The following DCBLD2 variants were observed in gnomAD, a reference collection of about 807,000 sequenced individuals.
The protein encoded by DCBLD2 is discoidin, CUB and LCCL domain-containing protein 2.
In DCBLD2, 54 loss-of-function variants were observed where a neutral mutation model predicts 86.8. The observed-to-expected ratio is 0.62, with a 90% CI of 0.50 to 0.78. DCBLD2 has a LOEUF of 0.78. Among genes scored for constraint, DCBLD2 ranks in the 30% least tolerant of loss-of-function variants. DCBLD2 has a pLI of 0.00. For synonymous variants in DCBLD2, 354 were observed against 341.3 expected (o/e 1.04, Z -0.41); for missense variants, 908 against 954.2 (o/e 0.95, Z 0.64).
At chr3:98,861,787 T>G (rs896505957) in intron 2 of DCBLD2, among the ~76,000 whole-genome samples, 6 of 151,792 alleles carry the variant, frequency 4.0e-5, no homozygotes, top group African/African-American at 1.5e-4. Flanking sequence ...AGATCTAAAA[T>G]GGACACCCTA....
chr3:98,804,538 A>G (rs950061246), intron 13 of DCBLD2, among the ~76,000 whole-genome samples: 7 of 151,904 alleles, frequency 4.6e-5, no homozygotes, highest in Admixed American at 6.6e-5. Flanking sequence ...TTTTGTCTCT[A>G]TCTCCTTCAG....
At chr3:98,844,597 A>G (rs1337920055) in intron 3 of DCBLD2, among the ~76,000 whole-genome samples, 1 of 152,124 alleles carries the variant, frequency 6.6e-6, no homozygotes, top group African/African-American at 2.4e-5. Flanking sequence ...TACTGACCTC[A>G]GATGACCCAC....
At chr3:98,896,997 T>A (rs1235098903) in intron 1 of DCBLD2, among the ~76,000 whole-genome samples, 1 of 152,194 alleles carries the variant, frequency 6.6e-6, no homozygotes, top group Non-Finnish European at 1.5e-5. Context: ...CTAAGTGTAG[T>A]CCTAAATTTA....
intron 2 of DCBLD2, among the ~76,000 whole-genome samples, chr3:98,863,915 C>G (rs1943092592): frequency 6.6e-6 from 1 of 152,162 alleles, no homozygotes; most frequent in South Asian, 2.1e-4. Flanking sequence ...TCAGAGTGAA[C>G]AGGCAACCTA....
intron 1 of DCBLD2, among the ~76,000 whole-genome samples, chr3:98,893,915 T>C (rs1235266862): frequency 6.6e-6 from 1 of 152,148 alleles, no homozygotes; most frequent in African/African-American, 2.4e-5. Flanking sequence ...TAAGCAGTAA[T>C]CCCCACTTGG....
rs144881026 is a variant in DCBLD2 at position 98,897,422 on chromosome 3, T to G, written c.205+3700A>C. 1.8e-3 allele frequency among the ~76,000 whole-genome samples: 275 copies of G among 152,250 alleles called. 1 individual carries two copies. Among genetic ancestry groups the G allele is most frequent in the African/African-American group, 6.4e-3 (265 of 41,566 alleles). On this transcript the variant is annotated intron_variant, in intron 1 of 15. Coordinates refer to ENST00000326840, the MANE Select transcript of DCBLD2 (RefSeq NM_080927.4). ...TTATTTGCTTCTGAACAAAACTGGATAAGAGCCCCAATGTTTTATCAGACA... is the reference window on the plus strand; with the variant it reads ...TTATTTGCTTCTGAACAAAACTGGAGAAGAGCCCCAATGTTTTATCAGACA...
chr3:98,826,889 G>C (rs923774627), intron 3 of DCBLD2, among the ~76,000 whole-genome samples: 6 of 152,148 alleles, frequency 3.9e-5, no homozygotes, highest in Admixed American at 6.5e-5. Flanking sequence ...ATATACCCTT[G>C]ATGGAGATAG....
intron 9 of DCBLD2, among the ~76,000 whole-genome samples, chr3:98,817,262 G>C (rs1382423483): frequency 6.6e-6 from 1 of 152,146 alleles, no homozygotes; most frequent in African/African-American, 2.4e-5. Flanking sequence ...TTAGATGCTA[G>C]AGCAATTCTT....
At chr3:98,800,213 A>AT (rs1271763904) in intron 15 of DCBLD2, among the ~76,000 whole-genome samples, 1 of 152,144 alleles carries the variant, frequency 6.6e-6, no homozygotes, top group East Asian at 1.9e-4. Flanking sequence ...AATTTCAGAG[A>AT]TTTTTTTCAA....
chr3:98,882,102 TC>T (rs1943482546), intron 1 of DCBLD2, among the ~76,000 whole-genome samples: 1 of 152,212 alleles, frequency 6.6e-6, no homozygotes, highest in African/African-American at 2.4e-5. Context: ...TAACTTTGTA[TC>T]CTTTAACAAA....
intron 2 of DCBLD2, among the ~76,000 whole-genome samples, chr3:98,862,363 T>A (rs974584793): frequency 2.6e-5 from 4 of 152,146 alleles, no homozygotes; most frequent in Non-Finnish European, 5.9e-5. Flanking sequence ...TCCCTAACTC[T>A]TTTTATGAGG....
chr3:98,871,492 G>T (rs1022919539), intron 2 of DCBLD2, among the ~76,000 whole-genome samples: 23 of 151,946 alleles, frequency 1.5e-4, no homozygotes, highest in African/African-American at 5.3e-4. Flanking sequence ...TATCATGAAG[G>T]GATGCTCAAT....
intron 6 of DCBLD2, chr3:98,820,761 T>C: frequency 1.2e-4 from 1 of 8,302 alleles, no homozygotes; most frequent in South Asian, 0.071. Flanking sequence ...CTAATAGATT[T>C]CTTTTTCTTT....
chr3:98,893,861 G>A (rs1466950964), intron 1 of DCBLD2, among the ~76,000 whole-genome samples: 1 of 152,176 alleles, frequency 6.6e-6, no homozygotes, highest in African/African-American at 2.4e-5. Flanking sequence ...AGCAGGGCAG[G>A]AGTTCGGCTG....
intron 8 of DCBLD2, 89 bp downstream of exon 8, chr3:98,819,113 C>T: frequency 7.8e-7 from 1 of 1,278,388 alleles, no homozygotes; most frequent in Non-Finnish European, 1.1e-6. Context: ...ATTTTAATGC[C>T]TTAATTTTCT....
chr3:98,822,806 C>T, intron 4 of DCBLD2, 65 bp from the exon 5 acceptor site: 1 of 1,371,492 alleles, frequency 7.3e-7, no homozygotes, highest in Non-Finnish European at 9.9e-7. Flanking sequence ...AAGCAACCCC[C>T]CAAAAATATC....
At position 98,819,275 on chromosome 3, in the gene DCBLD2, C is replaced by T. The variant is rs374878528; in HGVS notation, c.1014G>A (p.Pro338=). The change falls in exon 8 of 16, where the codon CCG becomes CCA. Residue 338 remains proline (P), a synonymous_variant. Transcript: ENST00000326840. ...PKKARLKKPG[P]PWAAFATDEY... ...CATCAGTGGCAAAAGCAGCCCAAGG[C>T]GGTCCAGGTTTTTTCAGCCTGGCTT... is the stretch of plus-strand genomic sequence containing the variant. 7.4e-5 allele frequency: 120 copies of T among 1,612,524 alleles called. No homozygotes were observed. Among genetic ancestry groups the T allele is most frequent in the Non-Finnish European group, 9.6e-5 (113 of 1,179,270 alleles).
At chr3:98,872,344 T>C (rs1055243482) in intron 2 of DCBLD2, among the ~76,000 whole-genome samples, 2 of 152,150 alleles carry the variant, frequency 1.3e-5, no homozygotes, top group Non-Finnish European at 2.9e-5. Context: ...AGTGGGTTGT[T>C]ATAAAGCAAG....
At chr3:98,836,705 C>T (rs1427776881) in intron 3 of DCBLD2, among the ~76,000 whole-genome samples, 13 of 78,712 alleles carry the variant, frequency 1.7e-4, no homozygotes, top group East Asian at 3.2e-4. Context: ...CCGGACGGGG[C>T]GGCTGGCCGG....
Sources: gnomAD v4.1 joint callset for allele counts (sites outside exome capture counted in the v4.1 genomes callset) on GRCh38, gnomAD v4.1.1 for gene constraint, MANE v1.5 for transcripts, NCBI Gene and HGNC (gene_info 2026-07-23, HGNC 2026-07-21) for gene names.